The following ERAL1 variants were observed in gnomAD, a reference collection of about 807,000 sequenced individuals.
The protein encoded by ERAL1 is Era like 12S mitochondrial rRNA chaperone 1.
In ERAL1, 36 loss-of-function variants were observed where a neutral mutation model predicts 53.6. That is an observed-to-expected ratio of 0.67 (90% CI 0.51 to 0.89). The LOEUF (loss-of-function observed/expected upper bound fraction) is 0.89. Among genes scored for constraint, ERAL1 ranks in the 40% least tolerant of loss-of-function variants. The pLI, the probability that ERAL1 is intolerant of heterozygous loss-of-function variation, is 0.00. For missense variants in ERAL1, 512 were observed against 537.5 expected, an observed-to-expected ratio of 0.95 and a Z score of 0.47; for synonymous variants, 215 against 211.8, an observed-to-expected ratio of 1.02 and a Z score of -0.13.
chr17:28,858,931 T>G, intron 7 of ERAL1, 33 bp from the exon 8 acceptor site: 1 of 1,613,290 alleles, frequency 6.2e-7, no homozygotes, highest in Non-Finnish European at 8.5e-7. Flanking sequence ...TGGTTGGGAT[T>G]AAGATGCCCA....
chr17:28,857,784 T>G (rs373882620), intron 3 of ERAL1, among the ~76,000 whole-genome samples, 155 bp from the exon 4 acceptor site: 46 of 152,166 alleles, frequency 3.0e-4, no homozygotes, highest in African/African-American at 1.1e-3. Context: ...AGAGTGAGAC[T>G]CCGTCTCAGA....
In ERAL1 at chr17:28,858,185, G is replaced by T; in HGVS notation, c.576G>T (p.Lys192Asn). Residue 192 changes from lysine to asparagine, a missense_variant, in exon 5 of 10, where the codon AAG becomes AAT. Transcript: ENST00000254928. ...TCTCTTTGTTGGAAGATCCATGGAA[G>T]AGCATGGAATCTGCTGATCTTGGTT... is the stretch of plus-strand genomic sequence containing the variant. ...LELSLLEDPW[K>N]SMESADLVVV... 6.2e-7 allele frequency: 1 copy of T among 1,614,056 alleles called. No individual in the cohort carries two copies. Among genetic ancestry groups the T allele is most frequent in the Non-Finnish European group, 8.5e-7 (1 of 1,180,030 alleles).
intron 7 of ERAL1, 57 bp from the exon 8 acceptor site, chr17:28,858,907 G>A: frequency 6.2e-7 from 1 of 1,611,846 alleles, no homozygotes; most frequent in Non-Finnish European, 8.5e-7. Context: ...AAGCAAAAGT[G>A]AGGAGAAAAG....
At chr17:28,859,345 G>A in intron 9 of ERAL1, 62 bp downstream of exon 9, 2 of 1,528,908 alleles carry the variant, frequency 1.3e-6, no homozygotes, top group Non-Finnish European at 1.8e-6. Context: ...TCTTCCCCCA[G>A]CTTGGAGCCC....
At position 28,859,051 on chromosome 17, in the gene ERAL1, A is replaced by AACATTATCC; in HGVS notation, c.1049_1057dup (p.Ile352_Arg353insHisIleIle). Reference sequence around the variant, plus strand: ...CCAGACACCAGAAGAGATCTGTGCCAACATTATCCGAGAGAAGCTCCTAGA... The same window carrying AACATTATCC: ...CCAGACACCAGAAGAGATCTGTGCCAACATTATCCACATTATCCGAGAGAAGCTCCTAGA... On this transcript the variant is annotated inframe_insertion, in exon 8 of 10. Transcript: ENST00000254928. 1 of 1,614,216 alleles carries AACATTATCC rather than the reference A, an allele frequency of 6.2e-7. No individual in the cohort carries two copies. Among genetic ancestry groups the AACATTATCC allele is most frequent in the Non-Finnish European group, 8.5e-7 (1 of 1,180,034 alleles).
rs1323375861 is a variant in ERAL1 at position 28,856,559 on chromosome 17, A to G, written c.466A>G (p.Ile156Val). The G allele has an allele frequency of 6.2e-7, 1 of 1,613,944 alleles. No homozygotes were observed. The highest frequency in any genetic ancestry group is 1.7e-5 in the Admixed American group (1 of 59,982). Residue 156 changes from isoleucine to valine, a missense_variant, in exon 3 of 10, where the codon ATC (isoleucine) becomes GTC (valine). Ile to Val is a conservative substitution (Grantham distance 29, BLOSUM62 3). Transcript: ENST00000254928. ...HTTRCQALGV[I>V]TEKETQVILL... Reference sequence around the variant, plus strand: ...TACTCGCTGCCAAGCTCTGGGGGTCATCACAGAGAAGGAGACCCAGGTGGT... The same window carrying G: ...TACTCGCTGCCAAGCTCTGGGGGTCGTCACAGAGAAGGAGACCCAGGTGGT...
At chr17:28,856,455 T>G in intron 2 of ERAL1, 50 bp from the exon 3 acceptor site, 1 of 1,613,364 alleles carries the variant, frequency 6.2e-7, no homozygotes. Context: ...CCTTCAAGGA[T>G]GGTCTTGGAG....
At chr17:28,858,865 C>T in intron 7 of ERAL1, 41 bp downstream of exon 7, 1 of 1,612,702 alleles carries the variant, frequency 6.2e-7, no homozygotes, top group Non-Finnish European at 8.5e-7. Flanking sequence ...TGGTTTCTAC[C>T]ATATGAAGAC....
chr17:28,856,280 C>T lies in ERAL1; in HGVS notation c.300C>T (p.Leu100=). The change falls in exon 2 of 10, where the codon CTC becomes CTT. Residue 100 remains leucine, a synonymous_variant. Coordinates refer to ENST00000254928, the MANE Select transcript of ERAL1 (RefSeq NM_005702.4). The part of the protein sequence containing the change: ...VSMNRDEQDV[L]LVHHPDMPEN... ...TGCACATAGATGAGCAGGATGTCCTCTTGGTCCATCACCCTGATATGCCTG... is the reference window on the plus strand; with the variant it reads ...TGCACATAGATGAGCAGGATGTCCTTTTGGTCCATCACCCTGATATGCCTG... 1.2e-6 allele frequency: 2 copies of T among 1,614,078 alleles called. No homozygotes were observed. Among genetic ancestry groups the T allele is most frequent in the South Asian group, 1.1e-5 (1 of 91,084 alleles).
At position 28,856,276 on chromosome 17, in the gene ERAL1, TCCTCTTGGTCCATCA is replaced by T. The variant is rs1567918157; in HGVS notation, c.299_313del (p.Leu100_His104del). ...CACTTGCACATAGATGAGCAGGATGTCCTCTTGGTCCATCACCCTGATATGCCTGAGAATTCCCGG... is the reference window on the plus strand; with the variant it reads ...CACTTGCACATAGATGAGCAGGATGTCCCTGATATGCCTGAGAATTCCCGG... On this transcript the variant is annotated inframe_deletion, in exon 2 of 10. Coordinates refer to ENST00000254928, the MANE Select transcript of ERAL1 (RefSeq NM_005702.4). The T allele has an allele frequency of 1.2e-6, 2 of 1,614,062 alleles. No individual in the cohort carries two copies. The highest frequency in any genetic ancestry group is 1.7e-6 in the Non-Finnish European group (2 of 1,179,936).
Position 28,855,059 on chromosome 17 carries a change from G to C in ERAL1, c.25G>C (p.Ala9Pro). ...AATGGCTGCCCCCAGCTGGCGCGGG[G>C]CTAGGCTTGTTCAATCGGTGTTAAG... MAAPSWRG[A>P]RLVQSVLRVW... The change falls in exon 1 of 10, where the codon GCT (alanine) becomes CCT (proline). Residue 9 changes from alanine (A) to proline (P), a missense_variant. By Grantham distance (27) the Ala-to-Pro change is conservative. Coordinates refer to ENST00000254928, the MANE Select transcript of ERAL1 (RefSeq NM_005702.4). 1 of 1,608,520 alleles carries C rather than the reference G, an allele frequency of 6.2e-7. No individual in the cohort carries two copies. Among genetic ancestry groups the C allele is most frequent in the East Asian group, 2.2e-5 (1 of 44,756 alleles).
intron 9 of ERAL1, among the ~76,000 whole-genome samples, chr17:28,859,544 CTT>C (rs562532059): frequency 3.5e-5 from 5 of 142,880 alleles, no homozygotes; most frequent in Non-Finnish European, 3.1e-5. Flanking sequence ...TTATAATTTT[CTT>C]TTTTTTTTTT....
chr17:28,858,243 C>T (rs774317061), intron 5 of ERAL1, 36 bp downstream of exon 5: 27 of 1,612,728 alleles, frequency 1.7e-5, no homozygotes, highest in Non-Finnish European at 2.3e-5. Context: ...GCCCAGTTTA[C>T]AGGGGTCATG....
intron 3 of ERAL1, among the ~76,000 whole-genome samples, chr17:28,857,256 C>T (rs1245219823): frequency 3.3e-5 from 5 of 151,394 alleles, no homozygotes; most frequent in East Asian, 2.0e-4. Flanking sequence ...TACAGGCATG[C>T]GCCACCACGC....
chr17:28,858,108 A>G lies in ERAL1; in HGVS notation c.537-38A>G, dbSNP rs2039263814. 5 of 1,613,568 alleles carry G rather than the reference A, an allele frequency of 3.1e-6. No homozygotes were observed. In the East Asian group the frequency reaches 8.9e-5, roughly 29 times the overall value. On this transcript the variant is annotated intron_variant, in intron 4 of 9. Coordinates refer to ENST00000254928, the MANE Select transcript of ERAL1 (RefSeq NM_005702.4). ...ATCCCTCATCAGAAATGCCTTAGTC[A>G]TAAGACCTTTCCTGACTGATGTATG...
Position 28,858,700 on chromosome 17 carries a change from C to G in ERAL1, c.836C>G (p.Pro279Arg), listed in dbSNP as rs749347644. Reference sequence around the variant, plus strand: ...CACTCACACCCTGGCACCCATTGCCCCAGCCCAGCAGTTAAGGACCCAAAC... The same window carrying G: ...CACTCACACCCTGGCACCCATTGCCGCAGCCCAGCAGTTAAGGACCCAAAC... ...AFHSHPGTHC[P>R]SPAVKDPNTQ... is the part of the protein sequence containing the mutation. The change falls in exon 7 of 10, where the codon CCC (proline) becomes CGC (arginine). Residue 279 changes from proline to arginine, a missense_variant. Physicochemically the swap from Pro to Arg is moderately radical, Grantham distance 103. Transcript: ENST00000254928. 1.2e-6 allele frequency: 2 copies of G among 1,614,174 alleles called. No homozygotes were observed. The highest frequency in any genetic ancestry group is 1.3e-5 in the African/African-American group (1 of 75,048).
At position 28,860,675 on chromosome 17, in the gene ERAL1, T is replaced by G; in HGVS notation, c.*122T>G. On this transcript the variant is annotated 3_prime_UTR_variant, in exon 10 of 10. Coordinates refer to ENST00000254928, the MANE Select transcript of ERAL1 (RefSeq NM_005702.4). ...AGAGACATGAACACTGACTGGCCAC[T>G]AGCTGGCCTGGCCCTGTTGAGTCTG... The G allele has an allele frequency of 7.9e-7, 1 of 1,272,758 alleles. No individual in the cohort carries two copies. Among genetic ancestry groups the G allele is most frequent in the Non-Finnish European group, 1.0e-6 (1 of 952,474 alleles). 78.8% of individuals were successfully genotyped at this position (1,272,758 alleles called of 1,614,324 possible). A position where few individuals can be genotyped will look rare whatever the true frequency, so the allele number is the denominator to read the frequency against.
chr17:28,856,929 T>G (rs542562677), intron 3 of ERAL1, among the ~76,000 whole-genome samples: 1 of 151,530 alleles, frequency 6.6e-6, no homozygotes, highest in East Asian at 2.0e-4. Flanking sequence ...GCCAGGATGG[T>G]CTCGATCTCC....
At position 28,857,160 on chromosome 17, in the gene ERAL1, T is replaced by A. The variant is rs559455315; in HGVS notation, c.489+578T>A. 7.4e-5 allele frequency among the ~76,000 whole-genome samples: 11 copies of A among 149,198 alleles called. No individual in the cohort carries two copies. In the South Asian group the frequency reaches 2.1e-3, roughly 29 times the overall value. On this transcript the variant is annotated intron_variant, in intron 3 of 9. Transcript: ENST00000254928. Reference sequence around the variant, plus strand: ...TTCACTCTTGTTGCCCAGGCTGGAGTTCAATGGCATGATCTCAGCTCACTA... The same window carrying A: ...TTCACTCTTGTTGCCCAGGCTGGAGATCAATGGCATGATCTCAGCTCACTA...
Sources: gnomAD v4.1 joint callset for allele counts (sites outside exome capture counted in the v4.1 genomes callset) on GRCh38, gnomAD v4.1.1 for gene constraint, MANE v1.5 for transcripts, NCBI Gene and HGNC (gene_info 2026-07-23, HGNC 2026-07-21) for gene names.